Variants in CAMTA1 observed in about 807,000 individuals in gnomAD.
CAMTA1 encodes calmodulin-binding transcription activator 1.
A neutral mutation model predicts 170.9 loss-of-function variants in CAMTA1; 27 were observed. That is an observed-to-expected ratio of 0.16 (90% confidence interval 0.12 to 0.22). CAMTA1 has a LOEUF of 0.22. CAMTA1 is among the 10% of genes least tolerant of loss of function. CAMTA1 has a pLI of 1.00. For missense variants in CAMTA1, 1,619 were observed against 2,217.2 expected, an observed-to-expected ratio of 0.73 and a Z score of 5.42; for synonymous variants, 833 against 891.5, an observed-to-expected ratio of 0.93 and a Z score of 1.17.
intron 4 of CAMTA1, among the ~76,000 whole-genome samples, chr1:7,096,959 G>T (rs1642157695): frequency 6.6e-6 from 1 of 152,090 alleles, no homozygotes; most frequent in African/African-American, 2.4e-5. Context: ...CCACCTCTAG[G>T]TACTGCTACA....
chr1:7,546,294 G>C (rs2094692384), intron 6 of CAMTA1, among the ~76,000 whole-genome samples: 1 of 152,152 alleles, frequency 6.6e-6, no homozygotes, highest in Non-Finnish European at 1.5e-5. Flanking sequence ...GAGGATAACA[G>C]CTTCCAGTTC....
chr1:7,662,823 G>A (rs992373688), intron 8 of CAMTA1, among the ~76,000 whole-genome samples: 8 of 152,140 alleles, frequency 5.3e-5, no homozygotes, highest in Non-Finnish European at 1.0e-4. Context: ...TCCCGAGACT[G>A]CATTTCCATC....
At chr1:7,099,239 TG>T (rs923517059) in intron 4 of CAMTA1, among the ~76,000 whole-genome samples, 9 of 152,136 alleles carry the variant, frequency 5.9e-5, no homozygotes, top group Non-Finnish European at 1.2e-4. Flanking sequence ...TTAGTAGAGA[TG>T]GGGTTTCACC....
chr1:7,213,911 A>G (rs1162488166), intron 4 of CAMTA1, among the ~76,000 whole-genome samples: 4 of 152,134 alleles, frequency 2.6e-5, no homozygotes, highest in Admixed American at 6.5e-5. Flanking sequence ...TTCCAGCTTC[A>G]TCCATGTCCC....
chr1:7,697,425 A>G (rs1239621615), intron 11 of CAMTA1, among the ~76,000 whole-genome samples: 1 of 152,230 alleles, frequency 6.6e-6, no homozygotes, highest in Non-Finnish European at 1.5e-5. Flanking sequence ...ACTCAGGGCC[A>G]TCTGACATTG....
At chr1:7,262,426 G>A (rs543134264) in intron 5 of CAMTA1, among the ~76,000 whole-genome samples, 1 of 152,308 alleles carries the variant, frequency 6.6e-6, no homozygotes, top group African/African-American at 2.4e-5. Context: ...GCCGGGCGTG[G>A]TGGCGCAAGC....
intron 4 of CAMTA1, among the ~76,000 whole-genome samples, chr1:7,139,456 G>A (rs1454637625): frequency 2.6e-5 from 4 of 151,566 alleles, no homozygotes; most frequent in African/African-American, 9.7e-5. Context: ...GCCCAGCAGC[G>A]ATTCTGCTTT....
chr1:7,677,096 A>C (rs970320250), intron 10 of CAMTA1, among the ~76,000 whole-genome samples: 1 of 152,180 alleles, frequency 6.6e-6, no homozygotes, highest in African/African-American at 2.4e-5. Flanking sequence ...AAGCTCCTTC[A>C]TCGGGGAAGC....
intron 6 of CAMTA1, among the ~76,000 whole-genome samples, chr1:7,507,149 C>T (rs1369896685): frequency 1.3e-5 from 2 of 148,752 alleles, no homozygotes; most frequent in Non-Finnish European, 2.9e-5. Context: ...CACACTCACT[C>T]CCACACTCAC....
At position 6,789,804 on chromosome 1, in the gene CAMTA1, C is replaced by CTTTT. The variant is rs34542033; in HGVS notation, c.45+4250_45+4253dup. 3.5e-3 allele frequency among the ~76,000 whole-genome samples: 301 copies of CTTTT among 85,656 alleles called. 2 individuals carry two copies. Among genetic ancestry groups the CTTTT allele is most frequent in the East Asian group, 8.0e-3 (19 of 2,372 alleles). The allele number at this position is 85,656 out of a possible 152,430, so 56.2% of individuals were successfully genotyped here. The stretch of plus-strand genomic sequence containing the variant: ...TTATATTAATGACATTTTAGTGTAT[C>CTTTT]TTTTTTTTTTTTTTTTTTTTTTTTG... On this transcript the variant is annotated intron_variant, in intron 1 of 22. Coordinates refer to ENST00000303635, the MANE Select transcript of CAMTA1 (RefSeq NM_015215.4).
chr1:7,635,599 A>G lies in CAMTA1; in HGVS notation c.511-4801A>G, dbSNP rs1396000244. On this transcript the variant is annotated intron_variant, in intron 6 of 22. Coordinates refer to ENST00000303635, the MANE Select transcript of CAMTA1 (RefSeq NM_015215.4). The surrounding 1 kb of genome is among the most constrained non-coding windows in gnomAD (Gnocchi z 4.4). ...ACTCCAGCCTGGGGGACAGAGCAAG[A>G]CTCCGTCTCAAAAAAAAAAAAAAAA... Among the ~76,000 whole-genome samples the G allele has an allele frequency of 7.6e-6, 1 of 132,026 alleles. No homozygotes were observed. Among genetic ancestry groups the G allele is most frequent in the African/African-American group, 3.2e-5 (1 of 30,882 alleles). 86.6% of individuals were successfully genotyped at this position (132,026 alleles called of 152,430 possible).
At position 6,790,375 on chromosome 1, in the gene CAMTA1, AGTGTGTGTGTGT is replaced by A. The variant is rs370868840; in HGVS notation, c.45+4823_45+4834del. On this transcript the variant is annotated intron_variant, in intron 1 of 22. Transcript: ENST00000303635. ...CAGAGTGTGAGAGAGAGAGAGAGAGAGTGTGTGTGTGTGTGTGTGTGTGTGTGTGTGTGTAGA... is the reference window on the plus strand; with the variant it reads ...CAGAGTGTGAGAGAGAGAGAGAGAGAGTGTGTGTGTGTGTGTGTGTGTAGA... Among the ~76,000 whole-genome samples, 43 of 139,128 alleles carry A rather than the reference AGTGTGTGTGTGT, an allele frequency of 3.1e-4. No individual in the cohort carries two copies. The South Asian group carries it at 8.7e-3, about 28-fold the overall frequency. 91.3% of individuals were successfully genotyped at this position (139,128 alleles called of 152,430 possible).
chr1:6,929,953 C>T (rs906442074), intron 3 of CAMTA1, among the ~76,000 whole-genome samples: 13 of 152,178 alleles, frequency 8.5e-5, no homozygotes, highest in Admixed American at 7.2e-4. Context: ...CTTAGTAACC[C>T]ATTCAATGTG....
At chr1:7,691,817 G>T (rs1224250463) in intron 11 of CAMTA1, among the ~76,000 whole-genome samples, 1 of 152,182 alleles carries the variant, frequency 6.6e-6, no homozygotes, top group Non-Finnish European at 1.5e-5. Context: ...ACATCTGTGG[G>T]TGTGGAGGAA....
At chr1:7,021,543 C>T (rs562501544) in intron 3 of CAMTA1, among the ~76,000 whole-genome samples, 44 of 152,244 alleles carry the variant, frequency 2.9e-4, no homozygotes, top group South Asian at 1.2e-3. Context: ...CTTTCTTATT[C>T]GATTTTTAAA....
At chr1:7,556,944 C>A (rs991212907) in intron 6 of CAMTA1, among the ~76,000 whole-genome samples, 10 of 152,108 alleles carry the variant, frequency 6.6e-5, no homozygotes, top group African/African-American at 2.4e-4. Context: ...TCATGGTGAC[C>A]CTTTGAGGCA....
intron 6 of CAMTA1, among the ~76,000 whole-genome samples, chr1:7,531,880 G>A (rs529122236): frequency 6.6e-6 from 1 of 152,372 alleles, no homozygotes; most frequent in African/African-American, 2.4e-5. Context: ...TTCTCTGGGT[G>A]TCCATCTGGG....
At chr1:6,956,873 C>T (rs1689546351) in intron 3 of CAMTA1, among the ~76,000 whole-genome samples, 1 of 152,218 alleles carries the variant, frequency 6.6e-6, no homozygotes, top group Non-Finnish European at 1.5e-5. Flanking sequence ...GAGGCTCCTC[C>T]ACCCTCATCC....
intron 5 of CAMTA1, among the ~76,000 whole-genome samples, chr1:7,380,066 A>G (rs781762609): frequency 5.9e-5 from 9 of 152,364 alleles, no homozygotes; most frequent in Non-Finnish European, 1.0e-4. Flanking sequence ...GAACATTGCT[A>G]GAATTTGAGG....
Sources: allele counts gnomAD v4.1 joint callset (sites outside exome capture counted in the v4.1 genomes callset), GRCh38; gene constraint gnomAD v4.1.1; non-coding constraint Gnocchi (gnomAD v3.1); transcripts MANE v1.5; gene names NCBI Gene and HGNC (gene_info 2026-07-23, HGNC 2026-07-21).